LUZP2: variants seen among roughly 807,000 people sequenced by gnomAD.
LUZP2 encodes leucine zipper protein 2.
In LUZP2, 52 loss-of-function variants were observed where a neutral mutation model predicts 51.6. The observed-to-expected ratio is 1.01, with a 90% CI of 0.81 to 1.27. The LOEUF is 1.27. Ranked by LOEUF, LUZP2 falls within the 50% of genes most tolerant of loss-of-function variation. The pLI, the probability that LUZP2 is intolerant of heterozygous loss-of-function variation, is 0.00. For synonymous variants in LUZP2, 154 were observed against 137.3 expected (o/e 1.12, Z -0.85); for missense variants, 436 against 395.4 (o/e 1.10, Z -0.87).
chr11:24,754,153 G>A (rs1259387248), intron 4 of LUZP2, among the ~76,000 whole-genome samples: 2 of 151,670 alleles, frequency 1.3e-5, no homozygotes, highest in Non-Finnish European at 2.9e-5. Context: ...AGTGTTTTTT[G>A]TTTGTTTGTT....
chr11:24,765,519 T>A (rs1860151078), intron 5 of LUZP2, among the ~76,000 whole-genome samples: 1 of 152,180 alleles, frequency 6.6e-6, no homozygotes, highest in African/African-American at 2.4e-5. Flanking sequence ...GACAACCGTA[T>A]GGGTTTTGTT....
intron 10 of LUZP2, among the ~76,000 whole-genome samples, chr11:25,051,061 G>GAACTTTC (rs1037563271): frequency 6.6e-6 from 1 of 152,148 alleles, no homozygotes; most frequent in African/African-American, 2.4e-5. Context: ...AGTGTCTGAT[G>GAACTTTC]AAACTATGCT....
chr11:24,516,935 A>G (rs533936068), intron 1 of LUZP2, among the ~76,000 whole-genome samples: 3 of 152,318 alleles, frequency 2.0e-5, no homozygotes, highest in South Asian at 2.1e-4. Context: ...CATACTCAAG[A>G]AATAAACTCT....
chr11:24,699,217 AACC>A (rs1857345680), intron 1 of LUZP2, among the ~76,000 whole-genome samples: 1 of 151,996 alleles, frequency 6.6e-6, no homozygotes, highest in Non-Finnish European at 1.5e-5. Flanking sequence ...TCAGTGATTT[AACC>A]TTTCTTCCAC....
In LUZP2 at chr11:24,749,535, C is replaced by T. The variant is rs907653242; in HGVS notation, c.333+11233C>T. ...GAGAAAGACCTACCCTCAATGTAGG[C>T]GGCACCATCCAATGAGCTGTCAGCA... On this transcript the variant is annotated intron_variant, in intron 4 of 11. Transcript: ENST00000336930. Among the ~76,000 whole-genome samples the T allele has an allele frequency of 3.3e-5, 5 of 152,022 alleles. No individual in the cohort carries two copies. The South Asian group carries it at 6.2e-4, about 19-fold the overall frequency.
At chr11:24,979,977 A>G (rs2121228) in intron 8 of LUZP2, among the ~76,000 whole-genome samples, 77,919 of 151,518 alleles carry the variant, frequency 0.51, 20,289 homozygotes, top group South Asian at 0.56. Context: ...ACCTAAATGA[A>G]TAAACATTCT....
At chr11:24,759,457 A>T (rs1322161771) in intron 4 of LUZP2, among the ~76,000 whole-genome samples, 1 of 152,140 alleles carries the variant, frequency 6.6e-6, no homozygotes, top group Non-Finnish European at 1.5e-5. Flanking sequence ...TGAATATTTA[A>T]GTATTGCATT....
intron 7 of LUZP2, among the ~76,000 whole-genome samples, chr11:24,972,479 T>G (rs1044503573): frequency 5.9e-5 from 9 of 152,198 alleles, no homozygotes; most frequent in Admixed American, 2.0e-4. Flanking sequence ...TAAAAATTAA[T>G]AAGGGGTAAA....
intron 1 of LUZP2, among the ~76,000 whole-genome samples, chr11:24,571,054 A>G (rs1475248664): frequency 6.6e-6 from 1 of 152,110 alleles, no homozygotes; most frequent in Admixed American, 6.6e-5. Flanking sequence ...TTATAGAAAA[A>G]TAGACTACTA....
intron 5 of LUZP2, among the ~76,000 whole-genome samples, chr11:24,835,746 T>G (rs1006048990): frequency 2.6e-5 from 4 of 152,090 alleles, no homozygotes; most frequent in African/African-American, 9.7e-5. Flanking sequence ...GTTGTAATTA[T>G]TAAGAAATTT....
chr11:24,970,714 G>A (rs749003935), intron 7 of LUZP2, among the ~76,000 whole-genome samples: 5 of 152,112 alleles, frequency 3.3e-5, no homozygotes, highest in Non-Finnish European at 5.9e-5. Context: ...AGAAAACAGA[G>A]TTTGTGCACA....
intron 7 of LUZP2, among the ~76,000 whole-genome samples, chr11:24,964,084 A>G (rs1244167082): frequency 6.6e-6 from 1 of 152,174 alleles, no homozygotes; most frequent in East Asian, 1.9e-4. Context: ...AAACCTCCAT[A>G]TGGTTTTCTT....
At chr11:24,598,049 A>G (rs1163390137) in intron 1 of LUZP2, among the ~76,000 whole-genome samples, 4 of 151,458 alleles carry the variant, frequency 2.6e-5, no homozygotes, top group African/African-American at 4.9e-5. Context: ...TGCGGTGAGC[A>G]GAGATTGCGC....
intron 8 of LUZP2, among the ~76,000 whole-genome samples, chr11:24,977,223 G>A (rs1336527335): frequency 1.3e-5 from 2 of 151,130 alleles, no homozygotes; most frequent in Non-Finnish European, 3.0e-5. Context: ...ACTCAAATTT[G>A]GAAATAGTAA....
chr11:25,043,349 T>C lies in LUZP2; in HGVS notation c.766-6689T>C, dbSNP rs189592590. Among the ~76,000 whole-genome samples, 632 of 152,202 alleles carry C rather than the reference T, an allele frequency of 4.2e-3. 4 individuals carry two copies. The highest frequency in any genetic ancestry group is 0.014 in the African/African-American group (588 of 41,534). ...CCCAGTACAGTGGTCAATCTTTTTT[T>C]AATCCACACCTCCCTAGAGTAAGAA... is the stretch of plus-strand genomic sequence containing the variant. On this transcript the variant is annotated intron_variant, in intron 9 of 11. Transcript: ENST00000336930.
intron 9 of LUZP2, among the ~76,000 whole-genome samples, chr11:25,041,926 G>A (rs769957186): frequency 1.3e-5 from 2 of 152,148 alleles, no homozygotes; most frequent in Non-Finnish European, 2.9e-5. Flanking sequence ...CTGCGTGTGC[G>A]AGGGATCTGG....
At chr11:24,878,448 T>C (rs1405237819) in intron 5 of LUZP2, among the ~76,000 whole-genome samples, 1 of 152,088 alleles carries the variant, frequency 6.6e-6, no homozygotes, top group African/African-American at 2.4e-5. Flanking sequence ...TATTTGCTTC[T>C]TTTCTCTTGC....
intron 5 of LUZP2, among the ~76,000 whole-genome samples, chr11:24,894,688 CACG>C (rs1852979248): frequency 9.6e-6 from 1 of 104,148 alleles, no homozygotes; most frequent in Non-Finnish European, 2.0e-5. Flanking sequence ...CCCTCTTATA[CACG>C]ACAACGTGTC....
At chr11:24,830,053 G>T (rs4922698) in intron 5 of LUZP2, among the ~76,000 whole-genome samples, 89,109 of 151,840 alleles carry the variant, frequency 0.59, 27,568 homozygotes, top group East Asian at 0.69. Context: ...AAGAAAATCT[G>T]ATTTGTCAAG....
Sources: allele counts gnomAD v4.1 joint callset (sites outside exome capture counted in the v4.1 genomes callset), GRCh38; gene constraint gnomAD v4.1.1; transcripts MANE v1.5; gene names NCBI Gene and HGNC (gene_info 2026-07-23, HGNC 2026-07-21).